DAB2IP: variants seen among roughly 807,000 people sequenced by gnomAD.
DAB2IP encodes the protein DAB2 interacting protein.
DAB2IP carries 28 observed loss-of-function variants against 107.2 expected under a neutral mutation model. That is an observed-to-expected ratio of 0.26 (90% CI 0.19 to 0.36). DAB2IP has a LOEUF of 0.36. Ranked by LOEUF, DAB2IP falls within the 10% of genes least tolerant of loss-of-function variation. The pLI is 1.00. For synonymous variants in DAB2IP, 755 were observed against 706.4 expected, an observed-to-expected ratio of 1.07 and a Z score of -1.09; for missense variants, 1,400 against 1,644.7, an observed-to-expected ratio of 0.85 and a Z score of 2.57.
intron 3 of DAB2IP, among the ~76,000 whole-genome samples, chr9:121,734,393 A>C (rs1412630618): frequency 7.1e-6 from 1 of 140,610 alleles, no homozygotes; most frequent in Non-Finnish European, 1.5e-5. Flanking sequence ...CAAAAAAAAA[A>C]AAAAAAAAGA....
intron 1 of DAB2IP, among the ~76,000 whole-genome samples, chr9:121,626,578 C>T (rs1183946862): frequency 2.6e-5 from 4 of 151,942 alleles, no homozygotes; most frequent in African/African-American, 9.7e-5. Context: ...CATCTGCCAC[C>T]ATGCCCAGCT....
chr9:121,666,905 CACACACACACAA>C (rs1454080967), intron 1 of DAB2IP, among the ~76,000 whole-genome samples: 3 of 130,366 alleles, frequency 2.3e-5, no homozygotes, highest in South Asian at 2.4e-4. Flanking sequence ...CACACACACA[CACACACACACAA>C]CACTCTTAAA....
intron 1 of DAB2IP, among the ~76,000 whole-genome samples, chr9:121,642,013 C>CTT (rs1208977602): frequency 2.9e-4 from 8 of 27,384 alleles, no homozygotes; most frequent in African/African-American, 1.5e-3. Context: ...CTCTCTCTCT[C>CTT]TCTCTCTCTC....
chr9:121,613,135 A>C (rs894792774), intron 1 of DAB2IP, among the ~76,000 whole-genome samples: 2 of 152,240 alleles, frequency 1.3e-5, no homozygotes, highest in Non-Finnish European at 2.9e-5. Flanking sequence ...GCCCTCAGGC[A>C]GGTCCTTCTG....
chr9:121,770,451 C>A (rs1331834060), intron 10 of DAB2IP, 95 bp from the exon 11 acceptor site: 34 of 1,399,298 alleles, frequency 2.4e-5, no homozygotes, highest in Non-Finnish European at 3.2e-5. Flanking sequence ...TTCTGACAGG[C>A]TCCGCAGTGG....
intron 2 of DAB2IP, among the ~76,000 whole-genome samples, chr9:121,689,649 C>T (rs1226111583): frequency 6.6e-6 from 1 of 152,194 alleles, no homozygotes; most frequent in African/African-American, 2.4e-5. Context: ...CCCCCCGGGC[C>T]AGCTGGGTGC....
At chr9:121,609,914 G>C (rs796975753) in intron 1 of DAB2IP, among the ~76,000 whole-genome samples, 14 of 152,340 alleles carry the variant, frequency 9.2e-5, no homozygotes, top group African/African-American at 2.2e-4. Flanking sequence ...CTGGGAGCCA[G>C]CAACGCCAAG....
chr9:121,661,819 A>G (rs1413302493), intron 1 of DAB2IP, among the ~76,000 whole-genome samples: 1 of 152,160 alleles, frequency 6.6e-6, no homozygotes, highest in Admixed American at 6.5e-5. Flanking sequence ...CCATCTCTAC[A>G]GAAAATTTTA....
At chr9:121,636,699 C>T (rs1187144589) in intron 1 of DAB2IP, among the ~76,000 whole-genome samples, 1 of 152,330 alleles carries the variant, frequency 6.6e-6, no homozygotes, top group East Asian at 1.9e-4. Flanking sequence ...CCCAGATCCC[C>T]ACATTGTTCT....
Position 121,760,409 on chromosome 9 carries a change from G to T in DAB2IP, c.1140G>T (p.Val380=), listed in dbSNP as rs1397018013. Residue 380 remains valine (V), a synonymous_variant, in exon 6 of 16, where the codon GTG becomes GTT. Coordinates refer to ENST00000408936, the Ensembl canonical transcript of DAB2IP. This position sits in a 1 kb window ranked among gnomAD's most constrained non-coding sequence, Gnocchi z 5.9. ...AGGAGGAGATGGCATCTGCCCTGGT[G>T]CACATCCTGCAGAGCACGGGCAAGG... 6.2e-7 allele frequency: 1 copy of T among 1,606,412 alleles called. No individual in the cohort carries two copies.
chr9:121,706,992 C>T (rs1830089315), intron 3 of DAB2IP, among the ~76,000 whole-genome samples: 1 of 152,196 alleles, frequency 6.6e-6, no homozygotes, highest in Admixed American at 6.5e-5. Context: ...GAAGTGATCC[C>T]AAGGCTGGAG....
intron 3 of DAB2IP, chr9:121,742,826 A>T (rs917012422): frequency 1.0e-6 from 1 of 985,316 alleles, no homozygotes; most frequent in African/African-American, 1.7e-5. Flanking sequence ...CATGATTTCC[A>T]GTCTTCTCAT....
At chr9:121,706,489 T>C (rs1379750496) in intron 3 of DAB2IP, among the ~76,000 whole-genome samples, 2 of 152,102 alleles carry the variant, frequency 1.3e-5, no homozygotes, top group Admixed American at 1.3e-4. Context: ...CTGTGGCCCA[T>C]GTGTGATGTG....
intron 10 of DAB2IP, among the ~76,000 whole-genome samples, chr9:121,769,833 G>C (rs1433449745): frequency 6.6e-6 from 1 of 152,260 alleles, no homozygotes; most frequent in African/African-American, 2.4e-5. Flanking sequence ...AAGGTGATCA[G>C]TATTGTCACA....
chr9:121,729,964 G>A (rs1831434979), intron 3 of DAB2IP, among the ~76,000 whole-genome samples: 1 of 152,146 alleles, frequency 6.6e-6, no homozygotes, highest in African/African-American at 2.4e-5. Flanking sequence ...GTGGGTGTGT[G>A]TGGGGTTATA....
rs550019211 is a variant in DAB2IP at position 121,577,487 on chromosome 9, C to T, written c.40+10259C>T. Reference sequence around the variant, plus strand: ...GCCAGTGGGCCTCTGTCTCGGCAGGCTGTCTCCTCAGGAGCCCGTGAGTGA... The same window carrying T: ...GCCAGTGGGCCTCTGTCTCGGCAGGTTGTCTCCTCAGGAGCCCGTGAGTGA... On this transcript the variant is annotated intron_variant, in intron 1 of 16. Coordinates refer to the DAB2IP transcript ENST00000259371. 1.7e-4 allele frequency among the ~76,000 whole-genome samples: 26 copies of T among 152,334 alleles called. No homozygotes were observed. The East Asian group carries it at 4.8e-3, about 28-fold the overall frequency.
intron 3 of DAB2IP, among the ~76,000 whole-genome samples, chr9:121,756,544 G>A (rs780154371): frequency 6.6e-6 from 1 of 152,262 alleles, no homozygotes; most frequent in Non-Finnish European, 1.5e-5. Flanking sequence ...CAGTGTATGA[G>A]GAAGGGCTGT....
Position 121,757,077 on chromosome 9 carries a change from G to T in DAB2IP, c.427G>T (p.Ala143Ser), listed in dbSNP as rs556227873. ...CGAGTCCCTGCTCAGCCCCAGCAGT[G>T]CGGTGGAGGCGCTGGACCTCAGCAT... is the stretch of plus-strand genomic sequence containing the variant. Residue 143 changes from alanine to serine, a missense_variant, in exon 4 of 16, where the codon GCG (alanine) becomes TCG (serine). Physicochemically the swap from Ala to Ser is moderately conservative, Grantham distance 99. Coordinates refer to ENST00000408936, the Ensembl canonical transcript of DAB2IP. 212 of 1,614,224 alleles carry T rather than the reference G, an allele frequency of 1.3e-4. 6 individuals are homozygous for T. In the South Asian group the frequency reaches 2.3e-3, roughly 17 times the overall value.
chr9:121,593,043 G>GCCTC (rs1350424249), intron 1 of DAB2IP, among the ~76,000 whole-genome samples: 1 of 152,176 alleles, frequency 6.6e-6, no homozygotes, highest in African/African-American at 2.4e-5. Flanking sequence ...TCCTGGGCCA[G>GCCTC]CCTCCCTGGG....
Sources: allele counts gnomAD v4.1 joint callset (sites outside exome capture counted in the v4.1 genomes callset), GRCh38; gene constraint gnomAD v4.1.1; non-coding constraint Gnocchi (gnomAD v3.1); transcripts MANE v1.5; gene names NCBI Gene and HGNC (gene_info 2026-07-23, HGNC 2026-07-21).